SHANK2: variants seen among roughly 807,000 people sequenced by gnomAD.
SHANK2 encodes the protein SH3 and multiple ankyrin repeat domains protein 2.
In SHANK2, 43 loss-of-function variants were observed where a neutral mutation model predicts 133.7. That is an observed-to-expected ratio of 0.32 (90% confidence interval 0.25 to 0.41). The LOEUF (loss-of-function observed/expected upper bound fraction) is 0.41, where lower values mean the gene tolerates loss of function less well. Among genes scored for constraint, SHANK2 ranks in the 10% least tolerant of loss-of-function variants. The pLI is 1.00. For missense variants in SHANK2, 1,994 were observed against 2,235.8 expected, an observed-to-expected ratio of 0.89 and a Z score of 2.18; for synonymous variants, 1,017 against 952.8, an observed-to-expected ratio of 1.07 and a Z score of -1.24.
At chr11:70,560,632 T>A (rs1307743514) in intron 17 of SHANK2, among the ~76,000 whole-genome samples, 1 of 151,800 alleles carries the variant, frequency 6.6e-6, no homozygotes, top group African/African-American at 2.4e-5. Context: ...AGACTTTTTT[T>A]CGTTTGTTTT....
At chr11:70,591,190 G>A (rs1473147771) in intron 17 of SHANK2, among the ~76,000 whole-genome samples, 1 of 151,792 alleles carries the variant, frequency 6.6e-6, no homozygotes, top group Non-Finnish European at 1.5e-5. Flanking sequence ...TGTCTCTACT[G>A]AAAATACAAA....
chr11:70,781,558 TTATA>T lies in SHANK2; in HGVS notation c.1777+16881_1777+16884del, dbSNP rs1273792106. Among the ~76,000 whole-genome samples the T allele has an allele frequency of 4.3e-3, 125 of 28,968 alleles. 15 individuals are homozygous for T. Among genetic ancestry groups the T allele is most frequent in the African/African-American group, 0.011 (105 of 9,600 alleles). 19.0% of individuals were successfully genotyped at this position (28,968 alleles called of 152,430 possible). ...AAGCAGCTTGCAATTTACTTACTTATTATATATATATATATATATATATATTTAC... is the reference window on the plus strand; with the variant it reads ...AAGCAGCTTGCAATTTACTTACTTATTATATATATATATATATATATTTAC... On this transcript the variant is annotated intron_variant, in intron 14 of 25. Coordinates refer to ENST00000601538, the MANE Select transcript of SHANK2 (RefSeq NM_012309.5).
intron 17 of SHANK2, 44 bp downstream of exon 17, chr11:70,659,784 G>A (rs782385860): frequency 1.4e-5 from 23 of 1,613,014 alleles, no homozygotes; most frequent in Middle Eastern, 1.6e-4. Context: ...CCCGAGAGTC[G>A]GCGCTCTCCC....
At chr11:71,061,969 T>G (rs1950992407) in intron 9 of SHANK2, among the ~76,000 whole-genome samples, 1 of 139,260 alleles carries the variant, frequency 7.2e-6, no homozygotes, top group Non-Finnish European at 1.6e-5. Context: ...AAGTCTTTCT[T>G]TCTTTTTTTT....
intron 17 of SHANK2, among the ~76,000 whole-genome samples, chr11:70,594,320 A>G (rs1487907570): frequency 6.6e-6 from 1 of 152,134 alleles, no homozygotes; most frequent in East Asian, 1.9e-4. Context: ...CCCTTGGTGC[A>G]CTCTGGAGAT....
intron 11 of SHANK2, among the ~76,000 whole-genome samples, chr11:70,888,868 G>C (rs1419007766): frequency 6.6e-6 from 1 of 152,034 alleles, no homozygotes; most frequent in Non-Finnish European, 1.5e-5. Context: ...AGGCTGACTT[G>C]GAGTGAACAA....
At chr11:71,234,402 T>TA (rs1471555760) in intron 1 of SHANK2, among the ~76,000 whole-genome samples, 1 of 148,864 alleles carries the variant, frequency 6.7e-6, no homozygotes, top group East Asian at 1.9e-4. Flanking sequence ...AATAAATAAA[T>TA]AACAACAAAA....
chr11:71,236,095 C>G (rs191805215), intron 1 of SHANK2, among the ~76,000 whole-genome samples: 78 of 152,262 alleles, frequency 5.1e-4, no homozygotes, highest in African/African-American at 1.8e-3. Flanking sequence ...GTTTCAAAGG[C>G]AGGACCGGAC....
chr11:70,703,412 G>T (rs1220842288), intron 14 of SHANK2, among the ~76,000 whole-genome samples: 1 of 152,170 alleles, frequency 6.6e-6, no homozygotes, highest in Non-Finnish European at 1.5e-5. Flanking sequence ...TCCTGTGGAG[G>T]TGCCCTCAGC....
At chr11:70,713,564 T>C (rs932076848) in intron 14 of SHANK2, among the ~76,000 whole-genome samples, 4 of 152,198 alleles carry the variant, frequency 2.6e-5, no homozygotes, top group African/African-American at 9.7e-5. Flanking sequence ...AGTGGCTCAG[T>C]TGCATGTTCC....
At chr11:70,872,906 G>A (rs941386817) in intron 11 of SHANK2, 27 of 433,944 alleles carry the variant, frequency 6.2e-5, no homozygotes, top group African/African-American at 5.3e-4. Flanking sequence ...CAGCTCCTCG[G>A]GGCAGGAGGA....
intron 14 of SHANK2, among the ~76,000 whole-genome samples, chr11:70,701,221 A>G (rs2134504631): frequency 6.6e-6 from 1 of 152,230 alleles, no homozygotes; most frequent in Middle Eastern, 3.4e-3. Context: ...TAAAGGAACC[A>G]TTTCTAGGCT....
chr11:70,481,602 A>G (rs1229423616), intron 25 of SHANK2, among the ~76,000 whole-genome samples: 1 of 152,236 alleles, frequency 6.6e-6, no homozygotes, highest in African/African-American at 2.4e-5. Context: ...TGGGATTTTT[A>G]CACCACTGCT....
chr11:70,769,571 GCTCT>G (rs1166489692), intron 14 of SHANK2, among the ~76,000 whole-genome samples: 1 of 152,006 alleles, frequency 6.6e-6, no homozygotes, highest in African/African-American at 2.4e-5. Context: ...GGGCAGGGGG[GCTCT>G]CTGAGCCTTC....
chr11:70,734,316 A>C (rs1946354538), intron 14 of SHANK2, among the ~76,000 whole-genome samples: 1 of 152,204 alleles, frequency 6.6e-6, no homozygotes, highest in African/African-American at 2.4e-5. Flanking sequence ...AACGGGCAGA[A>C]TAGTTAAAAC....
At chr11:70,504,676 C>T (rs55982234) in intron 17 of SHANK2, among the ~76,000 whole-genome samples, 5,770 of 152,194 alleles carry the variant, frequency 0.038, 307 homozygotes, top group East Asian at 0.12. Flanking sequence ...ACAGCGGCAG[C>T]GGTCTTTGCA....
intron 11 of SHANK2, among the ~76,000 whole-genome samples, chr11:70,823,450 TA>T (rs1948579924): frequency 1.1e-5 from 1 of 95,084 alleles, no homozygotes; most frequent in Non-Finnish European, 2.0e-5. Context: ...GCAGAGGTCA[TA>T]GGGGACAGAG....
At chr11:70,619,211 C>T (rs913363571) in intron 17 of SHANK2, among the ~76,000 whole-genome samples, 2 of 152,180 alleles carry the variant, frequency 1.3e-5, no homozygotes, top group African/African-American at 4.8e-5. Flanking sequence ...AATTTAGTGG[C>T]TTAAAACAAC....
chr11:70,737,749 T>C (rs1946434797), intron 14 of SHANK2, among the ~76,000 whole-genome samples: 1 of 152,188 alleles, frequency 6.6e-6, no homozygotes, highest in African/African-American at 2.4e-5. Flanking sequence ...CCACAGACCC[T>C]TACATCGCAA....
Sources: allele counts gnomAD v4.1 joint callset (sites outside exome capture counted in the v4.1 genomes callset), GRCh38; gene constraint gnomAD v4.1.1; transcripts MANE v1.5; gene names NCBI Gene and HGNC (gene_info 2026-07-23, HGNC 2026-07-21).